PCDHGA3: variants seen among roughly 807,000 people sequenced by gnomAD.
PCDHGA3 encodes the protein protocadherin gamma subfamily A, 3.
A neutral mutation model predicts 58.5 loss-of-function variants in PCDHGA3; 40 were observed. That is an observed-to-expected ratio of 0.68 (90% CI 0.53 to 0.89). PCDHGA3 has a LOEUF of 0.89. PCDHGA3 is among the 40% of genes least tolerant of loss of function. The pLI, the probability that PCDHGA3 is intolerant of heterozygous loss-of-function variation, is 0.00. For synonymous variants in PCDHGA3, 530 were observed against 525.7 expected (o/e 1.01, Z -0.11); for missense variants, 1,223 against 1,195.9 (o/e 1.02, Z -0.33).
At chr5:141,371,579 T>C in intron 1 of PCDHGA3, 2 of 1,613,852 alleles carry the variant, frequency 1.2e-6, no homozygotes, top group Non-Finnish European at 1.7e-6. Context: ...TTAAAATCGT[T>C]CAAGATACCA....
chr5:141,502,028 G>A (rs561260963), intron 2 of PCDHGA3, among the ~76,000 whole-genome samples: 62 of 152,150 alleles, frequency 4.1e-4, no homozygotes, highest in African/African-American at 1.5e-3. Flanking sequence ...TGCAACCCCC[G>A]CCGCTTGCCT....
Position 141,490,066 on chromosome 5 carries a change from C to G in PCDHGA3, c.2425-4741C>G. ...TGATCCAGACGAGGGCACCAACGGC[C>G]AACTAGACTATTCTTTTGGAGACCA... On this transcript the variant is annotated intron_variant, in intron 1 of 3. Coordinates refer to ENST00000253812, the MANE Select transcript of PCDHGA3 (RefSeq NM_018916.4). The surrounding 1 kb of genome is among the most constrained non-coding windows in gnomAD (Gnocchi z 5.4). The G allele has an allele frequency of 1.2e-6, 2 of 1,614,248 alleles. No individual in the cohort carries two copies. Among genetic ancestry groups the G allele is most frequent in the Non-Finnish European group, 1.7e-6 (2 of 1,180,034 alleles).
In PCDHGA3 at chr5:141,427,233, G is replaced by A. The variant is rs147039909; in HGVS notation, c.2425-67574G>A. On this transcript the variant is annotated intron_variant, in intron 1 of 3. Transcript: ENST00000253812. Reference sequence around the variant, plus strand: ...ATTTCGTAGCAGTTATACCATGAGAGTAGAAGCTAAGGATGGTGGAGGCAT... The same window carrying A: ...ATTTCGTAGCAGTTATACCATGAGAATAGAAGCTAAGGATGGTGGAGGCAT... 180 of 456,756 alleles carry A rather than the reference G, an allele frequency of 3.9e-4. 1 individual carries two copies. The highest frequency in any genetic ancestry group is 3.5e-3 in the African/African-American group (176 of 50,196). The allele number at this position is 456,756 out of a possible 1,614,324, so 28.3% of individuals were successfully genotyped here.
intron 1 of PCDHGA3, among the ~76,000 whole-genome samples, chr5:141,401,503 C>T (rs755118621): frequency 6.6e-6 from 1 of 151,946 alleles, no homozygotes; most frequent in Non-Finnish European, 1.5e-5. Context: ...AATCCTTTTC[C>T]ACCTCTATAT....
intron 1 of PCDHGA3, among the ~76,000 whole-genome samples, chr5:141,474,511 C>T (rs2099350824): frequency 6.6e-6 from 1 of 152,202 alleles, no homozygotes; most frequent in Non-Finnish European, 1.5e-5. Context: ...TATCAGCCCT[C>T]TTGCTGGTCT....
chr5:141,474,626 G>A (rs1006911535), intron 1 of PCDHGA3, among the ~76,000 whole-genome samples: 5 of 152,288 alleles, frequency 3.3e-5, no homozygotes, highest in African/African-American at 9.6e-5. Flanking sequence ...CATCTCTTCC[G>A]GAAATATCCT....
chr5:141,401,096 C>A (rs1193628525), intron 1 of PCDHGA3, among the ~76,000 whole-genome samples: 1 of 152,160 alleles, frequency 6.6e-6, no homozygotes, highest in Non-Finnish European at 1.5e-5. Context: ...GTAATCCCAG[C>A]ACTTTGGGAG....
At chr5:141,356,028 C>T (rs1377135804) in intron 1 of PCDHGA3, 4 of 1,613,814 alleles carry the variant, frequency 2.5e-6, no homozygotes, top group African/African-American at 1.3e-5. Flanking sequence ...CCAATGGAGA[C>T]GTGACGTATT....
At chr5:141,362,024 G>T (rs987930042) in intron 1 of PCDHGA3, 2 of 1,608,122 alleles carry the variant, frequency 1.2e-6, no homozygotes, top group African/African-American at 1.3e-5. Flanking sequence ...CGCACAGCGC[G>T]TGCCTTGGGC....
At chr5:141,403,901 A>G in intron 1 of PCDHGA3, 3 of 1,613,926 alleles carry the variant, frequency 1.9e-6, no homozygotes, top group Non-Finnish European at 2.5e-6. Context: ...ATTTTATGAA[A>G]TGGAAATACA....
At chr5:141,468,487 G>A (rs945439990) in intron 1 of PCDHGA3, 6 of 152,110 alleles carry the variant, frequency 3.9e-5, no homozygotes, top group African/African-American at 1.4e-4. Context: ...TAGGTCTCAT[G>A]GAAGATTTTC....
chr5:141,447,161 C>T (rs1432238455), intron 1 of PCDHGA3, among the ~76,000 whole-genome samples: 1 of 151,728 alleles, frequency 6.6e-6, no homozygotes, highest in East Asian at 1.9e-4. Flanking sequence ...TTTGTTTAAG[C>T]GGGGTCTTGC....
intron 1 of PCDHGA3, chr5:141,352,339 C>T: frequency 1.9e-6 from 3 of 1,614,082 alleles, no homozygotes; most frequent in Non-Finnish European, 2.5e-6. Flanking sequence ...TGGCCTTGGC[C>T]TTGATCTCAG....
intron 1 of PCDHGA3, chr5:141,400,570 T>C: frequency 6.2e-7 from 1 of 1,612,974 alleles, no homozygotes; most frequent in Non-Finnish European, 8.5e-7. Context: ...CACCCAATTT[T>C]CTGTATTTAC....
intron 1 of PCDHGA3, chr5:141,422,014 C>A: frequency 6.2e-7 from 1 of 1,610,158 alleles, no homozygotes; most frequent in Non-Finnish European, 8.5e-7. Flanking sequence ...AACTCGGGTG[C>A]TGATGGTTAA....
At chr5:141,447,149 T>C (rs2098528211) in intron 1 of PCDHGA3, among the ~76,000 whole-genome samples, 1 of 152,212 alleles carries the variant, frequency 6.6e-6, no homozygotes, top group African/African-American at 2.4e-5. Flanking sequence ...TTTGTTTTTG[T>C]TTTTGTTTAA....
At position 141,493,323 on chromosome 5, in the gene PCDHGA3, C is replaced by T. The variant is rs542332335; in HGVS notation, c.2425-1484C>T. Among the ~76,000 whole-genome samples the T allele has an allele frequency of 6.6e-6, 1 of 152,294 alleles. No homozygotes were observed. The highest frequency in any genetic ancestry group is 6.5e-5 in the Admixed American group (1 of 15,300). On this transcript the variant is annotated intron_variant, in intron 1 of 3. Transcript: ENST00000253812. The surrounding 1 kb of genome is among the most constrained non-coding windows in gnomAD (Gnocchi z 4.3). ...AGAGCAAGTAAGAGAGATTCTAACC[C>T]CTGTCTAACTCCAGAATGTGTGCTT...
rs764310422 is a variant in PCDHGA3 at position 141,346,259 on chromosome 5, C to A, written c.2226C>A (p.Gly742=). ...LASTPGSHFV[G]ADGVRAFLQT... ...GTACGCCCGGCTCGCACTTTGTGGG[C>A]GCGGACGGGGTTCGGGCTTTCCTGC... is the stretch of plus-strand genomic sequence containing the variant. Residue 742 remains glycine, a synonymous_variant, in exon 1 of 4, where the codon GGC becomes GGA. Coordinates refer to ENST00000253812, the MANE Select transcript of PCDHGA3 (RefSeq NM_018916.4). The A allele has an allele frequency of 6.2e-7, 1 of 1,614,196 alleles. No individual in the cohort carries two copies.
chr5:141,398,857 C>T (rs749773693), intron 1 of PCDHGA3: 15 of 1,613,800 alleles, frequency 9.3e-6, no homozygotes, highest in African/African-American at 1.3e-5. Flanking sequence ...GGTATTCAAC[C>T]GAGACGTGTA....
Sources: allele counts gnomAD v4.1 joint callset (sites outside exome capture counted in the v4.1 genomes callset), GRCh38; gene constraint gnomAD v4.1.1; non-coding constraint Gnocchi (gnomAD v3.1); transcripts MANE v1.5; gene names NCBI Gene and HGNC (gene_info 2026-07-23, HGNC 2026-07-21).